Variants in LDB2 observed in about 807,000 individuals in gnomAD.
LDB2 encodes LIM domain binding 2.
In LDB2, 12 loss-of-function variants were observed where a neutral mutation model predicts 44.3. The ratio of observed to expected loss-of-function variants is 0.27; its 90% CI spans 0.17 to 0.44. The LOEUF (loss-of-function observed/expected upper bound fraction) is 0.44, where lower values mean the gene tolerates loss of function less well. Ranked by LOEUF, LDB2 falls within the 20% of genes least tolerant of loss-of-function variation. The pLI is 1.00. For synonymous variants in LDB2, 164 were observed against 174.8 expected, an observed-to-expected ratio of 0.94 and a Z score of 0.49; for missense variants, 344 against 473.5, an observed-to-expected ratio of 0.73 and a Z score of 2.54.
intron 2 of LDB2, among the ~76,000 whole-genome samples, chr4:16,700,608 T>C (rs938846402): frequency 6.6e-5 from 10 of 152,146 alleles, no homozygotes; most frequent in African/African-American, 9.7e-5. Flanking sequence ...TGGGCTTGAA[T>C]TGAATCAAGA....
At chr4:16,707,699 A>G (rs1560949710) in intron 2 of LDB2, among the ~76,000 whole-genome samples, 1 of 151,400 alleles carries the variant, frequency 6.6e-6, no homozygotes, top group Non-Finnish European at 1.5e-5. Flanking sequence ...CTCCCCAAAC[A>G]TTTAAAGGTT....
intron 1 of LDB2, among the ~76,000 whole-genome samples, chr4:16,888,118 C>A (rs1218770727): frequency 2.6e-5 from 4 of 152,172 alleles, no homozygotes; most frequent in Non-Finnish European, 2.9e-5. Context: ...CCAGTGCTGA[C>A]CCAGCTCCCT....
At chr4:16,674,219 C>T (rs142277187) in intron 2 of LDB2, 4 of 1,287,100 alleles carry the variant, frequency 3.1e-6, no homozygotes, top group African/African-American at 1.5e-5. Context: ...AACAGAAAAG[C>T]AATTACATGA....
At chr4:16,809,422 C>T (rs898928358) in intron 1 of LDB2, among the ~76,000 whole-genome samples, 4 of 152,052 alleles carry the variant, frequency 2.6e-5, no homozygotes, top group South Asian at 4.1e-4. Flanking sequence ...GAGAATCTGC[C>T]GGTATGGTCT....
At chr4:16,717,880 A>G (rs996583737) in intron 2 of LDB2, among the ~76,000 whole-genome samples, 7 of 152,158 alleles carry the variant, frequency 4.6e-5, no homozygotes, top group African/African-American at 1.7e-4. Flanking sequence ...TGAAATAGCA[A>G]GTTTCTTTGC....
At chr4:16,843,513 TA>T (rs1786299279) in intron 1 of LDB2, among the ~76,000 whole-genome samples, 1 of 152,242 alleles carries the variant, frequency 6.6e-6, no homozygotes, top group South Asian at 2.1e-4. Flanking sequence ...CACCAAGTTC[TA>T]AAATATGAGA....
At chr4:16,641,042 A>C (rs139724419) in intron 2 of LDB2, among the ~76,000 whole-genome samples, 1 of 152,232 alleles carries the variant, frequency 6.6e-6, no homozygotes, top group African/African-American at 2.4e-5. Context: ...GTTGAAAACT[A>C]TAAGGAAAAA....
chr4:16,854,415 C>T (rs940499832), intron 1 of LDB2, among the ~76,000 whole-genome samples: 1 of 151,080 alleles, frequency 6.6e-6, no homozygotes, highest in Non-Finnish European at 1.5e-5. Flanking sequence ...GGTTATTTTG[C>T]TTTCTTCCCC....
chr4:16,852,809 TAAAC>T (rs1167406131), intron 1 of LDB2, among the ~76,000 whole-genome samples: 3 of 152,204 alleles, frequency 2.0e-5, no homozygotes, highest in African/African-American at 7.2e-5. Flanking sequence ...ATATGTAAAT[TAAAC>T]AAACTGATCC....
In LDB2 at chr4:16,879,459, G is replaced by T. The variant is rs374896349; in HGVS notation, c.132+18895C>A. 2.9e-4 allele frequency among the ~76,000 whole-genome samples: 44 copies of T among 152,308 alleles called. No individual in the cohort carries two copies. The Middle Eastern group carries it at 0.01, about 35-fold the overall frequency. On this transcript the variant is annotated intron_variant, in intron 1 of 7. Coordinates refer to ENST00000304523, the MANE Select transcript of LDB2 (RefSeq NM_001290.5). ...GTAAAGCACACAGCCCTCCCCAGTGGGGGTGGGCACCATTCAATCTATAGA... is the reference window on the plus strand; with the variant it reads ...GTAAAGCACACAGCCCTCCCCAGTGTGGGTGGGCACCATTCAATCTATAGA...
rs71181193 is a variant in LDB2, at chr4:16,850,947, A to AGTGTGTGTGTGTGTGTGTGT, written c.132+47387_132+47406dup. ...GATATAGGTAATAGTTAAAACCATA[A>AGTGTGTGTGTGTGTGTGTGT]GTGTGTGTGTGTGTGTGTGTGTGTG... On this transcript the variant is annotated intron_variant, in intron 1 of 7. Transcript: ENST00000304523. Among the ~76,000 whole-genome samples, 683 of 143,146 alleles carry AGTGTGTGTGTGTGTGTGTGT rather than the reference A, an allele frequency of 4.8e-3. 8 individuals are homozygous for AGTGTGTGTGTGTGTGTGTGT. Among genetic ancestry groups the AGTGTGTGTGTGTGTGTGTGT allele is most frequent in the African/African-American group, 9.5e-3 (357 of 37,610 alleles). 93.9% of individuals were successfully genotyped at this position (143,146 alleles called of 152,430 possible).
At chr4:16,821,550 A>AT (rs34807743) in intron 1 of LDB2, among the ~76,000 whole-genome samples, 53,475 of 142,180 alleles carry the variant, frequency 0.38, 10,435 homozygotes, top group East Asian at 0.67. Context: ...CGCCCAGCTA[A>AT]TTTTTTTTTT....
chr4:16,534,456 G>C (rs1731101954), intron 5 of LDB2, among the ~76,000 whole-genome samples: 1 of 152,140 alleles, frequency 6.6e-6, no homozygotes, highest in African/African-American at 2.4e-5. Flanking sequence ...CCAGCACTGG[G>C]GTAAGGGAAG....
chr4:16,666,764 T>C (rs1349812244), intron 2 of LDB2, among the ~76,000 whole-genome samples: 1 of 152,216 alleles, frequency 6.6e-6, no homozygotes, highest in Non-Finnish European at 1.5e-5. Flanking sequence ...TGACAACAAA[T>C]TGGACGTGTG....
chr4:16,753,240 A>C (rs1222155727), intron 2 of LDB2, among the ~76,000 whole-genome samples: 1 of 152,218 alleles, frequency 6.6e-6, no homozygotes, highest in East Asian at 1.9e-4. Context: ...ACATGTTTTA[A>C]ATCATGTATA....
At chr4:16,631,567 C>T (rs1301447492) in intron 2 of LDB2, among the ~76,000 whole-genome samples, 4 of 151,846 alleles carry the variant, frequency 2.6e-5, no homozygotes, top group Middle Eastern at 3.2e-3. Flanking sequence ...TAGCAGAAGA[C>T]AAGAAATAAC....
At chr4:16,517,574 G>C (rs994950209) in intron 5 of LDB2, among the ~76,000 whole-genome samples, 1 of 152,140 alleles carries the variant, frequency 6.6e-6, no homozygotes, top group Non-Finnish European at 1.5e-5. Context: ...GGGTAGTACC[G>C]GAGTGAAGAA....
chr4:16,673,465 C>T (rs1293250992), intron 2 of LDB2, among the ~76,000 whole-genome samples: 2 of 152,176 alleles, frequency 1.3e-5, no homozygotes, highest in East Asian at 1.9e-4. Flanking sequence ...GGTCACAACG[C>T]GGAAAAGGCT....
At chr4:16,698,396 T>C (rs1320788434) in intron 2 of LDB2, among the ~76,000 whole-genome samples, 1 of 152,170 alleles carries the variant, frequency 6.6e-6, no homozygotes, top group African/African-American at 2.4e-5. Context: ...CACCCAGCAG[T>C]AGTGTATGAT....
Sources: gnomAD v4.1 joint callset for allele counts (sites outside exome capture counted in the v4.1 genomes callset) on GRCh38, gnomAD v4.1.1 for gene constraint, MANE v1.5 for transcripts, NCBI Gene and HGNC (gene_info 2026-07-23, HGNC 2026-07-21) for gene names.